GSTA2: variants seen among roughly 807,000 people sequenced by gnomAD.
GSTA2 encodes the protein glutathione S-transferase alpha 2, also known as glutathione S-transferase A2.
GSTA2 carries 27 observed loss-of-function variants against 22.4 expected under a neutral mutation model. The ratio of observed to expected loss-of-function variants is 1.21; its 90% CI spans 0.89 to 1.67. The LOEUF is 1.67. Among genes scored for constraint, GSTA2 ranks in the 40% most tolerant of loss-of-function variants. The pLI, the probability that GSTA2 is intolerant of heterozygous loss-of-function variation, is 0.00. For synonymous variants in GSTA2, 121 were observed against 86.8 expected (o/e 1.39, Z -2.19); for missense variants, 302 against 260.2 (o/e 1.16, Z -1.11).
chr6:52,750,562 T>A lies in GSTA2; in HGVS notation c.*15A>T, dbSNP rs201083418. The A allele has an allele frequency of 6.2e-7, 1 of 1,613,366 alleles. No homozygotes were observed. Among genetic ancestry groups the A allele is most frequent in the Non-Finnish European group, 8.5e-7 (1 of 1,179,508 alleles). ...ATACTGGTCTTGCATGTTCTTGACCTCTATGGCTGGTTTATTAAAACCTGA... is the reference window on the plus strand; with the variant it reads ...ATACTGGTCTTGCATGTTCTTGACCACTATGGCTGGTTTATTAAAACCTGA... On this transcript the variant is annotated 3_prime_UTR_variant, in exon 7 of 7. Coordinates refer to ENST00000493422, the MANE Select transcript of GSTA2 (RefSeq NM_000846.5).
chr6:52,751,642 C>A lies in GSTA2; in HGVS notation c.481G>T (p.Val161Leu), dbSNP rs199618336. 86 of 1,614,042 alleles carry A rather than the reference C, an allele frequency of 5.3e-5. No individual in the cohort carries two copies. The highest frequency in any genetic ancestry group is 3.9e-5 in the Non-Finnish European group (46 of 1,180,020). The stretch of plus-strand genomic sequence containing the variant: ...TCTTCCACGTAGTAGAGAAGTTCCA[C>A]CAGGTGAATGTCAGCCCGGCTCAGC... ...NKLSRADIHL[V>L]ELLYYVEELD... The change falls in exon 6 of 7, where the codon GTG becomes TTG. Residue 161 changes from valine (V) to leucine (L), a missense_variant. By Grantham distance (32) the Val-to-Leu change is conservative. Transcript: ENST00000493422.
Position 52,752,853 on chromosome 6 carries a change from C to T in GSTA2, c.414+1G>A. 1 of 1,613,712 alleles carries T rather than the reference C, an allele frequency of 6.2e-7. No homozygotes were observed. Among genetic ancestry groups the T allele is most frequent in the Non-Finnish European group, 8.5e-7 (1 of 1,179,762 alleles). On this transcript the variant is annotated splice_donor_variant, in intron 5 of 6. Transcript: ENST00000493422. LOFTEE classifies it high-confidence loss of function. ...CCAAAACACTGAACAGCTTCACTTA[C>T]TTTTTCAAAGGCAGGGAAGTAGCGA...
intron 1 of GSTA2, among the ~76,000 whole-genome samples, chr6:52,760,253 G>A (rs1427882903): frequency 1.3e-5 from 2 of 152,194 alleles, no homozygotes; most frequent in African/African-American, 4.8e-5. Flanking sequence ...CGAGGATCAT[G>A]TTTCAAAAGG....
At position 52,750,360 on chromosome 6, in the gene GSTA2, G is replaced by A; in HGVS notation, c.*217C>T. ...TAATTCCAAGAAAATTGTTGGCTAG[G>A]AGGAGATTGGAAAACTGAATTCACA... is the stretch of plus-strand genomic sequence containing the variant. On this transcript the variant is annotated 3_prime_UTR_variant, in exon 7 of 7. Coordinates refer to ENST00000493422, the MANE Select transcript of GSTA2 (RefSeq NM_000846.5). The A allele has an allele frequency of 2.6e-6, 1 of 382,242 alleles. No homozygotes were observed. The highest frequency in any genetic ancestry group is 5.3e-5 in the South Asian group (1 of 18,926). The allele number at this position is 382,242 out of a possible 1,614,324, so 23.7% of individuals were successfully genotyped here.
chr6:52,755,139 A>G, intron 3 of GSTA2, 64 bp from the exon 4 acceptor site: 1 of 1,587,744 alleles, frequency 6.3e-7, no homozygotes, highest in South Asian at 1.2e-5. Flanking sequence ...CAGGATGAAA[A>G]AAAATGGTTG....
At chr6:52,760,541 G>T (rs779049538) in intron 1 of GSTA2, among the ~76,000 whole-genome samples, 7 of 152,118 alleles carry the variant, frequency 4.6e-5, no homozygotes, top group Non-Finnish European at 1.0e-4. Context: ...TTAAAGATGG[G>T]TACACTGAAT....
chr6:52,757,709 T>G (rs1762871687), intron 2 of GSTA2, 152 bp downstream of exon 2: 2 of 681,844 alleles, frequency 2.9e-6, no homozygotes. Context: ...TAAGAATTAA[T>G]AGGTCAAATC....
intron 4 of GSTA2, 115 bp from the exon 5 acceptor site, chr6:52,753,110 AG>A (rs1207056016): frequency 3.1e-6 from 3 of 952,688 alleles, no homozygotes; most frequent in Non-Finnish European, 1.6e-6. Flanking sequence ...ACCTCCAATG[AG>A]TGCCTTTTAT....
chr6:52,750,524 G>T lies in GSTA2; in HGVS notation c.*53C>A. 6.3e-7 allele frequency: 1 copy of T among 1,590,974 alleles called. No individual in the cohort carries two copies. Among genetic ancestry groups the T allele is most frequent in the Non-Finnish European group, 8.6e-7 (1 of 1,163,722 alleles). ...CACTTAGGTAAAGCACTTAATTGTTGCAAAACTTTAGAATACTGGTCTTGC... is the reference window on the plus strand; with the variant it reads ...CACTTAGGTAAAGCACTTAATTGTTTCAAAACTTTAGAATACTGGTCTTGC... On this transcript the variant is annotated 3_prime_UTR_variant, in exon 7 of 7. Coordinates refer to ENST00000493422, the MANE Select transcript of GSTA2 (RefSeq NM_000846.5).
intron 2 of GSTA2, among the ~76,000 whole-genome samples, chr6:52,757,157 T>C (rs1762859958): frequency 9.3e-6 from 1 of 107,228 alleles, no homozygotes; most frequent in Non-Finnish European, 1.9e-5. Context: ...GTAGTCAATC[T>C]TTAATAGGTA....
intron 3 of GSTA2, among the ~76,000 whole-genome samples, chr6:52,755,865 AG>A (rs1018445121): frequency 2.0e-5 from 3 of 152,080 alleles, no homozygotes; most frequent in African/African-American, 7.3e-5. Context: ...CCCCCATGAA[AG>A]AAAAAACTCA....
intron 3 of GSTA2, among the ~76,000 whole-genome samples, chr6:52,755,602 G>A (rs1029252712): frequency 1.3e-5 from 2 of 151,960 alleles, no homozygotes; most frequent in South Asian, 2.1e-4. Flanking sequence ...ATATGTTTTT[G>A]TTGCCCCTCC....
At position 52,757,939 on chromosome 6, in the gene GSTA2, C is replaced by T; in HGVS notation, c.9G>A (p.Glu3=). ...TATTGGAGTAGTGGAGCTTGGGCTT[C>T]TCTGCCATGGTAGCAGTCTCCTGGA... MA[E]KPKLHYSNIR... The change falls in exon 2 of 7, where the codon GAG becomes GAA. Residue 3 remains glutamate, a synonymous_variant. Transcript: ENST00000493422. The T allele has an allele frequency of 6.2e-7, 1 of 1,613,088 alleles. No homozygotes were observed. The highest frequency in any genetic ancestry group is 8.5e-7 in the Non-Finnish European group (1 of 1,179,156).
Position 52,753,472 on chromosome 6 carries a change from C to T in GSTA2, c.273-477G>A, listed in dbSNP as rs751738752. On this transcript the variant is annotated intron_variant, in intron 4 of 6. Transcript: ENST00000493422. ...CTCAGCCATATTCCTTGTCCTCTCT[C>T]ATCATTTTACAGCTCCCAGGGCTGC... Among the ~76,000 whole-genome samples the T allele has an allele frequency of 1.0e-3, 157 of 152,198 alleles. 2 individuals are homozygous for T. Among genetic ancestry groups the T allele is most frequent in the Non-Finnish European group, 2.9e-4 (20 of 68,024 alleles).
chr6:52,751,032 A>C (rs1165544500), intron 6 of GSTA2, among the ~76,000 whole-genome samples: 2 of 152,252 alleles, frequency 1.3e-5, no homozygotes, highest in African/African-American at 4.8e-5. Context: ...GTCTCTAAGC[A>C]GAAGTGAAAA....
At chr6:52,763,290 G>A (rs369941449) in intron 1 of GSTA2, among the ~76,000 whole-genome samples, 154 bp downstream of exon 1, 11 of 152,026 alleles carry the variant, frequency 7.2e-5, no homozygotes, top group Non-Finnish European at 1.2e-4. Context: ...GAAATAAACA[G>A]TTCTTGAACT....
At chr6:52,755,958 T>C (rs946791541) in intron 3 of GSTA2, among the ~76,000 whole-genome samples, 5 of 152,102 alleles carry the variant, frequency 3.3e-5, no homozygotes, top group Admixed American at 2.6e-4. Flanking sequence ...CTGTATGGGA[T>C]CCTGTGCTGA....
chr6:52,756,763 G>A (rs2180316), intron 2 of GSTA2, among the ~76,000 whole-genome samples: 2,768 of 152,276 alleles, frequency 0.018, 87 homozygotes, highest in African/African-American at 0.061. Context: ...AATTTGTATC[G>A]CCCCACTTCT....
Position 52,750,612 on chromosome 6 carries a change from A to T in GSTA2, c.634T>A (p.Ser212Thr). The T allele has an allele frequency of 6.2e-7, 1 of 1,613,902 alleles. No homozygotes were observed. The highest frequency in any genetic ancestry group is 8.5e-7 in the Non-Finnish European group (1 of 1,179,872). Residue 212 changes from serine (S) to threonine (T), a missense_variant, in exon 7 of 7, where the codon TCT becomes ACT. By Grantham distance (58) the Ser-to-Thr change is moderately conservative (BLOSUM62 1). Coordinates refer to ENST00000493422, the MANE Select transcript of GSTA2 (RefSeq NM_000846.5). Reference sequence around the variant, plus strand: ...AAAATCTTCCTTGATTCTTCTAAAGATTTCTCATCCATGGGAGGCTTCCTT... The same window carrying T: ...AAAATCTTCCTTGATTCTTCTAAAGTTTTCTCATCCATGGGAGGCTTCCTT... ...SPRKPPMDEK[S>T]LEESRKIFRF
Sources: gnomAD v4.1 joint callset for allele counts (sites outside exome capture counted in the v4.1 genomes callset) on GRCh38, gnomAD v4.1.1 for gene constraint, MANE v1.5 for transcripts, NCBI Gene and HGNC (gene_info 2026-07-23, HGNC 2026-07-21) for gene names.